Variants in PLA2G12A observed in about 807,000 individuals in gnomAD.
The protein encoded by PLA2G12A is group XIIA secretory phospholipase A2.
Under a neutral mutation model 16.0 loss-of-function variants are expected in PLA2G12A, and 11 were observed. The ratio of observed to expected loss-of-function variants is 0.69; its 90% CI spans 0.43 to 1.13. The LOEUF is 1.13. Among genes scored for constraint, PLA2G12A ranks in the 50% most tolerant of loss-of-function variants. The pLI, the probability that PLA2G12A is intolerant of heterozygous loss-of-function variation, is 0.00. For synonymous variants in PLA2G12A, 77 were observed against 93.8 expected, an observed-to-expected ratio of 0.82 and a Z score of 1.03; for missense variants, 214 against 237.3, an observed-to-expected ratio of 0.90 and a Z score of 0.65.
chr4:109,724,840 A>T (rs1314654123), intron 1 of PLA2G12A, among the ~76,000 whole-genome samples: 1 of 152,240 alleles, frequency 6.6e-6, no homozygotes, highest in African/African-American at 2.4e-5. Flanking sequence ...ATAAAAATCA[A>T]GTAATAAAGA....
chr4:109,719,696 TAA>T (rs1028498432), intron 1 of PLA2G12A, among the ~76,000 whole-genome samples: 1 of 152,198 alleles, frequency 6.6e-6, no homozygotes, highest in African/African-American at 2.4e-5. Context: ...CCAGTGCATA[TAA>T]AAGTTTTGTT....
intron 1 of PLA2G12A, among the ~76,000 whole-genome samples, chr4:109,724,121 TTTTG>T (rs1486215208): frequency 9.9e-5 from 15 of 152,236 alleles, no homozygotes; most frequent in Non-Finnish European, 1.6e-4. Context: ...AATTGTCTTA[TTTTG>T]TTTGTTTGTT....
intron 1 of PLA2G12A, among the ~76,000 whole-genome samples, chr4:109,720,607 ATATATATATATATATATAT>A (rs1730920155): frequency 6.9e-5 from 1 of 14,550 alleles, no homozygotes; most frequent in African/African-American, 2.8e-4. Context: ...AAAAAAAAAT[ATATATATATATATATATAT>A]ATATATATAT....
At chr4:109,714,572 C>G (rs1730793759) in intron 3 of PLA2G12A, 77 bp from the exon 4 acceptor site, 1 of 923,090 alleles carries the variant, frequency 1.1e-6, no homozygotes, top group Non-Finnish European at 1.8e-6. Context: ...TACAGCACAG[C>G]AACAAGCATA....
chr4:109,729,961 C>T lies in PLA2G12A; in HGVS notation c.-152G>A. On this transcript the variant is annotated 5_prime_UTR_variant, in exon 1 of 4. Transcript: ENST00000243501. The stretch of plus-strand genomic sequence containing the variant: ...CTCCTTCCCGGCTGGCCCTCAGGAT[C>T]TCGCTGTCTTTACGTGAACCGCCTC... 1.5e-6 allele frequency: 1 copy of T among 651,294 alleles called. No homozygotes were observed. Among genetic ancestry groups the T allele is most frequent in the Admixed American group, 3.6e-5 (1 of 28,034 alleles). The allele number at this position is 651,294 out of a possible 1,614,324, so 40.3% of individuals were successfully genotyped here. A position where few individuals can be genotyped will look rare whatever the true frequency, so the allele number is the denominator to read the frequency against.
At chr4:109,726,466 T>G (rs758651489) in intron 1 of PLA2G12A, among the ~76,000 whole-genome samples, 2 of 152,072 alleles carry the variant, frequency 1.3e-5, no homozygotes, top group African/African-American at 2.4e-5. Context: ...ATCCAACTAC[T>G]TCTCATTACC....
chr4:109,712,457 G>T lies in PLA2G12A; in HGVS notation c.*1920C>A. 1 of 152,086 alleles carries T rather than the reference G, an allele frequency of 6.6e-6. No homozygotes were observed. The highest frequency in any genetic ancestry group is 1.5e-5 in the Non-Finnish European group (1 of 68,034). The allele number at this position is 152,086 out of a possible 1,614,324, so 9.4% of individuals were successfully genotyped here. ...TGCTAACAAAATCCATGAATTCATT[G>T]TAAGTGTAAAGTTACCTGGACAAAT... On this transcript the variant is annotated 3_prime_UTR_variant, in exon 4 of 4. Coordinates refer to ENST00000243501, the MANE Select transcript of PLA2G12A (RefSeq NM_030821.5).
At position 109,729,727 on chromosome 4, in the gene PLA2G12A, G is replaced by A. The variant is rs777265724; in HGVS notation, c.83C>T (p.Thr28Ile). The change falls in exon 1 of 4, where the codon ACC becomes ATC. Residue 28 changes from threonine to isoleucine, a missense_variant. Transcript: ENST00000243501. ...AVVRCQEQAQTTDWRATLKTI... is the reference protein window; with the variant it reads ...AVVRCQEQAQITDWRATLKTI... ...CTTCAGGGTGGCTCTCCAGTCGGTGGTCTGGGCCTGCTCCTGGCACCTGAC... is the reference window on the plus strand; with the variant it reads ...CTTCAGGGTGGCTCTCCAGTCGGTGATCTGGGCCTGCTCCTGGCACCTGAC... The A allele has an allele frequency of 6.2e-7, 1 of 1,603,122 alleles. No homozygotes were observed. The highest frequency in any genetic ancestry group is 1.3e-5 in the African/African-American group (1 of 74,610).
intron 3 of PLA2G12A, among the ~76,000 whole-genome samples, chr4:109,714,803 T>C (rs568110486): frequency 6.6e-6 from 1 of 150,850 alleles, no homozygotes; most frequent in Non-Finnish European, 1.5e-5. Flanking sequence ...GGTGCAGTCA[T>C]AGCTTACTGC....
rs1224380143 is a variant in PLA2G12A at position 109,718,818 on chromosome 4, C to G, written c.209-59G>C. ...AAATATGATAAAAGTAAAATACATACTCAAAAAGGTCAATATGCTACATTA... is the reference window on the plus strand; with the variant it reads ...AAATATGATAAAAGTAAAATACATAGTCAAAAAGGTCAATATGCTACATTA... On this transcript the variant is annotated intron_variant, in intron 1 of 3. Coordinates refer to ENST00000243501, the MANE Select transcript of PLA2G12A (RefSeq NM_030821.5). 3.4e-6 allele frequency: 4 copies of G among 1,172,154 alleles called. No homozygotes were observed. In the African/African-American group the frequency reaches 6.3e-5, roughly 19 times the overall value. 72.6% of individuals were successfully genotyped at this position (1,172,154 alleles called of 1,614,324 possible). A position where few individuals can be genotyped will look rare whatever the true frequency, so the allele number is the denominator to read the frequency against.
chr4:109,714,204 C>A lies in PLA2G12A; in HGVS notation c.*173G>T. 4.8e-6 allele frequency: 3 copies of A among 623,022 alleles called. No individual in the cohort carries two copies. In the South Asian group the frequency reaches 5.8e-5, roughly 12 times the overall value. 38.6% of individuals were successfully genotyped at this position (623,022 alleles called of 1,614,324 possible). On this transcript the variant is annotated 3_prime_UTR_variant, in exon 4 of 4. Coordinates refer to ENST00000243501, the MANE Select transcript of PLA2G12A (RefSeq NM_030821.5). ...AGAAGACAAGCGTGCCCTCCCCTCA[C>A]TATCTCCCTCACTTTTTTTGCTTTG...
chr4:109,724,174 G>A (rs896377510), intron 1 of PLA2G12A, among the ~76,000 whole-genome samples: 3 of 152,176 alleles, frequency 2.0e-5, no homozygotes, highest in African/African-American at 7.2e-5. Context: ...TGCCCAGGCT[G>A]GAGTGCAATG....
intron 1 of PLA2G12A, among the ~76,000 whole-genome samples, chr4:109,720,561 CTCTG>C (rs1478599251): frequency 2.6e-4 from 24 of 93,288 alleles, no homozygotes; most frequent in Non-Finnish European, 3.8e-4. Flanking sequence ...CATGATGAGA[CTCTG>C]TCTGTATTCA....
chr4:109,724,530 T>A (rs1444090778), intron 1 of PLA2G12A, among the ~76,000 whole-genome samples: 1 of 152,176 alleles, frequency 6.6e-6, no homozygotes, highest in African/African-American at 2.4e-5. Context: ...TGATTTCAAA[T>A]CTATAAAAAC....
rs775683274 is a variant in PLA2G12A at position 109,729,711 on chromosome 4, G to A, written c.99C>T (p.Ala33=). The A allele has an allele frequency of 4.3e-6, 7 of 1,609,198 alleles. No individual in the cohort carries two copies. Among genetic ancestry groups the A allele is most frequent in the Non-Finnish European group, 5.1e-6 (6 of 1,178,740 alleles). Residue 33 remains alanine, a synonymous_variant, in exon 1 of 4, where the codon GCC becomes GCT. Transcript: ENST00000243501. ...CGCCGTTCCGGATGGTCTTCAGGGT[G>A]GCTCTCCAGTCGGTGGTCTGGGCCT... ...QEQAQTTDWR[A]TLKTIRNGVH... is the part of the protein sequence containing the mutation.
At chr4:109,726,295 G>A (rs963096010) in intron 1 of PLA2G12A, among the ~76,000 whole-genome samples, 4 of 152,094 alleles carry the variant, frequency 2.6e-5, no homozygotes, top group East Asian at 1.9e-4. Context: ...CCTAATGCCC[G>A]AAAACTGTTC....
intron 2 of PLA2G12A, among the ~76,000 whole-genome samples, chr4:109,718,275 A>C (rs1315299452): frequency 6.6e-6 from 1 of 152,212 alleles, no homozygotes; most frequent in Non-Finnish European, 1.5e-5. Context: ...TGTGTCTAGG[A>C]ATCATTCTCA....
intron 1 of PLA2G12A, among the ~76,000 whole-genome samples, chr4:109,726,761 C>T (rs1486224439): frequency 2.6e-5 from 4 of 152,082 alleles, no homozygotes; most frequent in Non-Finnish European, 4.4e-5. Flanking sequence ...AAGAAAATAA[C>T]GGATCATCAA....
intron 1 of PLA2G12A, among the ~76,000 whole-genome samples, chr4:109,722,544 G>T (rs1722818172): frequency 6.6e-6 from 1 of 152,214 alleles, no homozygotes; most frequent in Non-Finnish European, 1.5e-5. Flanking sequence ...GCTAGAAGGT[G>T]CCATCTATGA....
Sources: gnomAD v4.1 joint callset for allele counts (sites outside exome capture counted in the v4.1 genomes callset) on GRCh38, gnomAD v4.1.1 for gene constraint, MANE v1.5 for transcripts, NCBI Gene and HGNC (gene_info 2026-07-23, HGNC 2026-07-21) for gene names.